NPNT: variants seen among roughly 807,000 people sequenced by gnomAD.
NPNT encodes the protein preosteoblast EGF-like repeat protein with MAM domain.
Under a neutral mutation model 68.6 loss-of-function variants are expected in NPNT, and 45 were observed. The observed-to-expected ratio is 0.66, with a 90% CI of 0.52 to 0.84. The LOEUF is 0.84. Ranked by LOEUF, NPNT falls within the 40% of genes least tolerant of loss-of-function variation. The pLI is 0.00. For synonymous variants in NPNT, 233 were observed against 253.3 expected (o/e 0.92, Z 0.76); for missense variants, 672 against 714.8 (o/e 0.94, Z 0.68).
intron 2 of NPNT, among the ~76,000 whole-genome samples, chr4:105,924,045 C>CT (rs974190903): frequency 6.6e-6 from 1 of 151,706 alleles, no homozygotes; most frequent in Non-Finnish European, 1.5e-5. Flanking sequence ...CTGCGCCCCC[C>CT]CCCCACCACT....
intron 3 of NPNT, among the ~76,000 whole-genome samples, chr4:105,929,109 C>T (rs1728915140): frequency 6.6e-6 from 1 of 152,078 alleles, no homozygotes; most frequent in South Asian, 2.1e-4. Flanking sequence ...CTAATGCTCT[C>T]CCTCCCCTTA....
intron 2 of NPNT, among the ~76,000 whole-genome samples, chr4:105,898,329 T>A (rs1726082199): frequency 3.2e-5 from 1 of 31,304 alleles, no homozygotes; most frequent in African/African-American, 1.3e-4. Flanking sequence ...TCTCTCTCTG[T>A]CTCTCTCTCT....
rs545287335 is a variant in NPNT at position 105,958,757 on chromosome 4, G to A, written c.1246+200G>A. 1.2e-4 allele frequency: 62 copies of A among 522,484 alleles called. No homozygotes were observed. The East Asian group carries it at 1.8e-3, about 15-fold the overall frequency. The allele number at this position is 522,484 out of a possible 1,614,324, so 32.4% of individuals were successfully genotyped here. A position where few individuals can be genotyped will look rare whatever the true frequency, so the allele number is the denominator to read the frequency against. ...TCTTTTTTAAAAAAATTTTAAAGTA[G>A]TACTTAAACTGTAAAAAGGAAATCA... On this transcript the variant is annotated intron_variant, in intron 9 of 11. Coordinates refer to ENST00000379987, the MANE Select transcript of NPNT (RefSeq NM_001033047.3).
At position 105,970,328 on chromosome 4, in the gene NPNT, G is replaced by T. The variant is rs1365067986; in HGVS notation, c.*1338G>T. 1 of 667,140 alleles carries T rather than the reference G, an allele frequency of 1.5e-6. No individual in the cohort carries two copies. Among genetic ancestry groups the T allele is most frequent in the Non-Finnish European group, 2.7e-6 (1 of 371,076 alleles). The allele number at this position is 667,140 out of a possible 1,614,324, so 41.3% of individuals were successfully genotyped here. A position where few individuals can be genotyped will look rare whatever the true frequency, so the allele number is the denominator to read the frequency against. On this transcript the variant is annotated 3_prime_UTR_variant, in exon 12 of 12. Coordinates refer to ENST00000379987, the MANE Select transcript of NPNT (RefSeq NM_001033047.3). ...GTAACTTTTAAAAGGCATCATTCCT[G>T]AGGTTTGTCTTAATTTCTGATTAAG...
chr4:105,907,513 C>T (rs1037145659), intron 2 of NPNT, among the ~76,000 whole-genome samples: 3 of 152,054 alleles, frequency 2.0e-5, no homozygotes, highest in African/African-American at 4.8e-5. Flanking sequence ...TTAGCATTGC[C>T]AGGGCCGAGG....
chr4:105,915,839 C>T (rs1017869502), intron 2 of NPNT, among the ~76,000 whole-genome samples: 1 of 152,188 alleles, frequency 6.6e-6, no homozygotes, highest in Non-Finnish European at 1.5e-5. Context: ...CACTATTCTA[C>T]TCAAACCTTC....
intron 2 of NPNT, chr4:105,912,006 C>A (rs1380128093): frequency 7.2e-6 from 4 of 558,756 alleles, no homozygotes; most frequent in Non-Finnish European, 1.3e-5. Flanking sequence ...TTTTTTATAA[C>A]AAAATGGTGA....
chr4:105,915,382 G>C (rs149500199), intron 2 of NPNT, among the ~76,000 whole-genome samples: 29 of 152,262 alleles, frequency 1.9e-4, no homozygotes, highest in African/African-American at 7.0e-4. Flanking sequence ...GCAGTGGCGG[G>C]GGGGCACATG....
chr4:105,952,097 A>G (rs1730882774), intron 8 of NPNT, among the ~76,000 whole-genome samples: 1 of 152,202 alleles, frequency 6.6e-6, no homozygotes, highest in Non-Finnish European at 1.5e-5. Flanking sequence ...TTGATGTTGA[A>G]TTCATTTATA....
intron 2 of NPNT, among the ~76,000 whole-genome samples, chr4:105,914,485 AGAGAGATAATG>A (rs1560897130): frequency 1.4e-5 from 2 of 140,348 alleles, no homozygotes; most frequent in African/African-American, 5.4e-5. Context: ...ATATATAGAG[AGAGAGATAATG>A]GAGAGAGAGA....
chr4:105,950,343 GTTATTT>G (rs34005718), intron 8 of NPNT, among the ~76,000 whole-genome samples: 139,852 of 152,138 alleles, frequency 0.92, 64,378 homozygotes, highest in East Asian at 1. Context: ...AAATAACATA[GTTATTT>G]TATGCTTATC....
intron 2 of NPNT, among the ~76,000 whole-genome samples, chr4:105,909,516 T>A (rs1727183346): frequency 6.6e-6 from 1 of 152,194 alleles, no homozygotes; most frequent in Non-Finnish European, 1.5e-5. Context: ...TTAAATCTTG[T>A]GTTGAGGTCT....
At chr4:105,928,393 C>A (rs990562674) in intron 3 of NPNT, among the ~76,000 whole-genome samples, 1 of 152,070 alleles carries the variant, frequency 6.6e-6, no homozygotes, top group Non-Finnish European at 1.5e-5. Flanking sequence ...GCGAGTGGAT[C>A]ACCTGAGGTT....
intron 10 of NPNT, among the ~76,000 whole-genome samples, chr4:105,963,956 C>T (rs575220747): frequency 2.0e-5 from 3 of 152,030 alleles, no homozygotes; most frequent in Non-Finnish European, 4.4e-5. Context: ...ATGGCATTCT[C>T]TTCTGTGCCT....
At chr4:105,903,550 G>A (rs2149318918) in intron 2 of NPNT, among the ~76,000 whole-genome samples, 1 of 152,130 alleles carries the variant, frequency 6.6e-6, no homozygotes, top group South Asian at 2.1e-4. Context: ...AATTTATTTT[G>A]TAGGAGAAAA....
intron 11 of NPNT, among the ~76,000 whole-genome samples, chr4:105,968,267 C>T (rs1055197922): frequency 6.6e-6 from 1 of 152,064 alleles, no homozygotes; most frequent in Non-Finnish European, 1.5e-5. Flanking sequence ...TTTCTTAAAA[C>T]TTTTCTCAGT....
intron 10 of NPNT, 58 bp from the exon 11 acceptor site, chr4:105,967,130 T>C (rs1732210792): frequency 9.2e-6 from 14 of 1,516,774 alleles, no homozygotes; most frequent in South Asian, 1.2e-5. Context: ...CTGTCCATGC[T>C]GCTTGTTCTA....
rs1211036585 is a variant in NPNT, at chr4:105,937,116, G to A, written c.373G>A (p.Gly125Ser). Residue 125 changes from glycine to serine, a missense_variant, in exon 4 of 12, where the codon GGT becomes AGT. Transcript: ENST00000379987. ...CAACGGATATATGCTCATGCCGGAT[G>A]GTTCCTGCTCAAGTATGTCAAGAAT... ...CLNGYMLMPD[G>S]SCSSALTCSM... The A allele has an allele frequency of 6.2e-7, 1 of 1,613,310 alleles. No individual in the cohort carries two copies. Among genetic ancestry groups the A allele is most frequent in the Admixed American group, 1.7e-5 (1 of 59,960 alleles).
intron 3 of NPNT, among the ~76,000 whole-genome samples, chr4:105,929,779 C>A (rs1466765736): frequency 6.6e-6 from 1 of 152,178 alleles, no homozygotes; most frequent in African/African-American, 2.4e-5. Flanking sequence ...ATTTAAATTT[C>A]TTTGCAGAAG....
Sources: allele counts gnomAD v4.1 joint callset (sites outside exome capture counted in the v4.1 genomes callset), GRCh38; gene constraint gnomAD v4.1.1; transcripts MANE v1.5; gene names NCBI Gene and HGNC (gene_info 2026-07-23, HGNC 2026-07-21).